PRKDC: variants seen among roughly 807,000 people sequenced by gnomAD.
PRKDC encodes DNA-dependent protein kinase catalytic subunit.
PRKDC carries 82 observed loss-of-function variants against 486.9 expected under a neutral mutation model. The observed-to-expected ratio is 0.17, with a 90% CI of 0.14 to 0.20. The LOEUF (loss-of-function observed/expected upper bound fraction) is 0.20. PRKDC is among the 10% of genes least tolerant of loss of function. The pLI is 1.00. For missense variants in PRKDC, 4,504 were observed against 5,038.2 expected (o/e 0.89, Z 3.21); for synonymous variants, 1,895 against 1,837.0 (o/e 1.03, Z -0.81).
intron 37 of PRKDC, 59 bp downstream of exon 37, chr8:47,881,853 G>C: frequency 5.7e-6 from 8 of 1,394,238 alleles, no homozygotes; most frequent in Non-Finnish European, 7.6e-6. Flanking sequence ...AAATTTTAAA[G>C]ACACAAGTTA....
intron 3 of PRKDC, 47 bp downstream of exon 3, chr8:47,957,124 A>G (rs1202982221): frequency 3.2e-6 from 4 of 1,267,710 alleles, no homozygotes; most frequent in Non-Finnish European, 4.4e-6. Flanking sequence ...ATAAGTTAAA[A>G]CAGATGTTGA....
chr8:47,949,590 A>G (rs569814910), intron 7 of PRKDC, among the ~76,000 whole-genome samples: 1 of 152,224 alleles, frequency 6.6e-6, no homozygotes, highest in Admixed American at 6.5e-5. Flanking sequence ...ACAGGGTCAA[A>G]GGAGAGAATT....
rs8178081 is a variant in PRKDC at position 47,898,957 on chromosome 8, T to G, written c.3365-388A>C. Among the ~76,000 whole-genome samples the G allele has an allele frequency of 3.8e-3, 582 of 152,356 alleles. 4 individuals are homozygous for G. Among genetic ancestry groups the G allele is most frequent in the South Asian group, 0.025 (119 of 4,832 alleles). On this transcript the variant is annotated intron_variant, in intron 28 of 85. Coordinates refer to ENST00000314191, the MANE Select transcript of PRKDC (RefSeq NM_006904.7). ...AACCCACATACCAGGCCAGAGCCTG[T>G]GGACTTCAATGTGGCTATTTTAAAG... is the stretch of plus-strand genomic sequence containing the variant.
chr8:47,909,863 T>C (rs1025659758), intron 25 of PRKDC, among the ~76,000 whole-genome samples: 1 of 152,190 alleles, frequency 6.6e-6, no homozygotes, highest in Admixed American at 6.5e-5. Context: ...AGATTGGTTG[T>C]CTGCCCTCGA....
chr8:47,779,027 A>T lies in PRKDC; in HGVS notation c.11556T>A (p.Val3852=). Residue 3852 remains valine (V), a synonymous_variant, in exon 81 of 86, where the codon GTT becomes GTA. Transcript: ENST00000314191. ...WLTKMSGKHD[V]GAYMLMYKGA... Reference sequence around the variant, plus strand: ...ACTTATACATTAGCATGTAAGCTCCAACATCATGTTTTCCTGACATTTTTG... The same window carrying T: ...ACTTATACATTAGCATGTAAGCTCCTACATCATGTTTTCCTGACATTTTTG... The T allele has an allele frequency of 1.2e-6, 2 of 1,600,810 alleles. No individual in the cohort carries two copies. Among genetic ancestry groups the T allele is most frequent in the South Asian group, 1.1e-5 (1 of 88,194 alleles).
At chr8:47,852,373 G>C (rs2088428407) in intron 52 of PRKDC, among the ~76,000 whole-genome samples, 1 of 152,166 alleles carries the variant, frequency 6.6e-6, no homozygotes, top group African/African-American at 2.4e-5. Context: ...GAAATCCTGA[G>C]ACCAAGTTCA....
At chr8:47,785,066 C>A (rs371665675) in intron 77 of PRKDC, 47 bp downstream of exon 77, 51 of 1,553,938 alleles carry the variant, frequency 3.3e-5, no homozygotes, top group Non-Finnish European at 4.3e-5. Context: ...TATTACAGTG[C>A]TGTGCTCCTG....
intron 68 of PRKDC, among the ~76,000 whole-genome samples, chr8:47,812,535 G>A (rs2087351231): frequency 6.6e-6 from 1 of 152,158 alleles, no homozygotes; most frequent in Non-Finnish European, 1.5e-5. Context: ...AGTCACATGA[G>A]AGTTAGAAAA....
chr8:47,936,062 T>G (rs1447853609), intron 12 of PRKDC, among the ~76,000 whole-genome samples, 162 bp from the exon 13 acceptor site: 1 of 151,432 alleles, frequency 6.6e-6, no homozygotes, highest in African/African-American at 2.5e-5. Context: ...TGTGATTGCC[T>G]TAAAAAAAAA....
At chr8:47,788,429 G>A (rs1201514389) in intron 76 of PRKDC, among the ~76,000 whole-genome samples, 1 of 152,182 alleles carries the variant, frequency 6.6e-6, no homozygotes, top group Admixed American at 6.5e-5. Flanking sequence ...TACCACACTT[G>A]TCCTAGGCAC....
intron 19 of PRKDC, among the ~76,000 whole-genome samples, chr8:47,928,092 A>T (rs2090183173): frequency 6.6e-6 from 1 of 152,162 alleles, no homozygotes; most frequent in Non-Finnish European, 1.5e-5. Context: ...TGGAAAAACA[A>T]GAATCTATTT....
Position 47,820,986 on chromosome 8 carries a change from T to C in PRKDC, c.9112-43A>G, listed in dbSNP as rs762055933. 3.2e-6 allele frequency: 4 copies of C among 1,243,038 alleles called. No individual in the cohort carries two copies. The African/African-American group carries it at 4.5e-5, about 14-fold the overall frequency. The allele number at this position is 1,243,038 out of a possible 1,614,324, so 77.0% of individuals were successfully genotyped here. A position where few individuals can be genotyped will look rare whatever the true frequency, so the allele number is the denominator to read the frequency against. ...ATACTTGTAACTACAGAAGGCCAATTTGAGTATGTCTAATTATTTTATTTC... is the reference window on the plus strand; with the variant it reads ...ATACTTGTAACTACAGAAGGCCAATCTGAGTATGTCTAATTATTTTATTTC... On this transcript the variant is annotated intron_variant, in intron 65 of 85. Coordinates refer to ENST00000314191, the MANE Select transcript of PRKDC (RefSeq NM_006904.7).
intron 63 of PRKDC, among the ~76,000 whole-genome samples, chr8:47,825,865 T>G (rs1272782863): frequency 6.6e-6 from 1 of 152,202 alleles, no homozygotes; most frequent in East Asian, 1.9e-4. Context: ...AATTATGATT[T>G]ATTTATGTGT....
chr8:47,879,745 A>C, intron 38 of PRKDC, 87 bp from the exon 39 acceptor site: 1 of 1,158,852 alleles, frequency 8.6e-7, no homozygotes. Context: ...AGACATTGCA[A>C]ATAAAGCATT....
At chr8:47,957,135 T>C in intron 3 of PRKDC, 36 bp downstream of exon 3, 4 of 1,326,090 alleles carry the variant, frequency 3.0e-6, no homozygotes, top group Non-Finnish European at 3.2e-6. Context: ...CAGATGTTGA[T>C]ATATAATGTA....
At chr8:47,834,431 C>T (rs377443951) in intron 58 of PRKDC, 35 bp from the exon 59 acceptor site, 86 of 1,605,816 alleles carry the variant, frequency 5.4e-5, no homozygotes, top group Admixed American at 3.7e-4. Flanking sequence ...AGGCACTCAG[C>T]ATCACCCAGC....
chr8:47,780,955 A>T (rs2086689719), intron 80 of PRKDC, among the ~76,000 whole-genome samples: 1 of 152,196 alleles, frequency 6.6e-6, no homozygotes, highest in Non-Finnish European at 1.5e-5. Flanking sequence ...AAAACACTGT[A>T]ACATGCTGAA....
intron 80 of PRKDC, among the ~76,000 whole-genome samples, chr8:47,781,015 T>C (rs2086690514): frequency 6.6e-6 from 1 of 152,192 alleles, no homozygotes; most frequent in South Asian, 2.1e-4. Flanking sequence ...GGAAGTGCCC[T>C]GTAAAAAGGC....
Position 47,864,775 on chromosome 8 carries a change from A to C in PRKDC, c.5364-12T>G. 1 of 1,545,394 alleles carries C rather than the reference A, an allele frequency of 6.5e-7. No individual in the cohort carries two copies. Among genetic ancestry groups the C allele is most frequent in the Non-Finnish European group, 8.8e-7 (1 of 1,141,610 alleles). On this transcript the variant is annotated splice_polypyrimidine_tract_variant and intron_variant, in intron 40 of 85. Transcript: ENST00000314191. ...TGACACATGAACCCCTAAGAAAACAAGATAAAATTATATGAACATCCCTGC... is the reference window on the plus strand; with the variant it reads ...TGACACATGAACCCCTAAGAAAACACGATAAAATTATATGAACATCCCTGC...
Sources: gnomAD v4.1 joint callset for allele counts (sites outside exome capture counted in the v4.1 genomes callset) on GRCh38, gnomAD v4.1.1 for gene constraint, MANE v1.5 for transcripts, NCBI Gene and HGNC (gene_info 2026-07-23, HGNC 2026-07-21) for gene names.